The following EIF4H variants were observed in gnomAD, a reference collection of about 807,000 sequenced individuals.
EIF4H encodes the protein eukaryotic translation initiation factor 4H.
EIF4H carries 8 observed loss-of-function variants against 30.6 expected under a neutral mutation model. That is an observed-to-expected ratio of 0.26 (90% CI 0.15 to 0.47). The LOEUF (loss-of-function observed/expected upper bound fraction) is 0.47, where lower values mean the gene tolerates loss of function less well. Ranked by LOEUF, EIF4H falls within the 20% of genes least tolerant of loss-of-function variation. EIF4H has a pLI of 0.99. For missense variants in EIF4H, 188 were observed against 339.5 expected (o/e 0.55, Z 3.51); for synonymous variants, 106 against 122.7 (o/e 0.86, Z 0.90).
chr7:74,184,467 A>T (rs1801038608), intron 1 of EIF4H, among the ~76,000 whole-genome samples: 1 of 152,196 alleles, frequency 6.6e-6, no homozygotes, highest in Admixed American at 6.6e-5. Context: ...ACACACAAAC[A>T]TACCTGCATA....
intron 5 of EIF4H, among the ~76,000 whole-genome samples, chr7:74,190,833 C>T (rs1554709812): frequency 6.6e-6 from 1 of 151,804 alleles, no homozygotes; most frequent in Non-Finnish European, 1.5e-5. Context: ...CATCAGTCCA[C>T]ACGCCAGGCC....
At position 74,174,400 on chromosome 7, in the gene EIF4H, C is replaced by A; in HGVS notation, c.17C>A (p.Thr6Asn). MADFDTYDDRAYSSFG... is the reference protein window; with the variant it reads MADFDNYDDRAYSSFG... ...AGACGGCAAATGGCGGACTTCGACA[C>A]CTACGACGATCGGGCCTACAGCAGC... Residue 6 changes from threonine to asparagine, a missense_variant, in exon 1 of 7, where the codon ACC becomes AAC. Physicochemically the swap from Thr to Asn is moderately conservative, Grantham distance 65. This residue lies in a region of EIF4H where 43 missense variants were observed against 43.4 expected (regional missense o/e 0.99). Coordinates refer to ENST00000265753, the MANE Select transcript of EIF4H (RefSeq NM_022170.2). The A allele has an allele frequency of 6.8e-7, 1 of 1,463,006 alleles. No individual in the cohort carries two copies. 90.6% of individuals were successfully genotyped at this position (1,463,006 alleles called of 1,614,324 possible). A position where few individuals can be genotyped will look rare whatever the true frequency, so the allele number is the denominator to read the frequency against.
At chr7:74,179,687 T>C (rs1433044112) in intron 1 of EIF4H, among the ~76,000 whole-genome samples, 1 of 150,770 alleles carries the variant, frequency 6.6e-6, no homozygotes, top group Non-Finnish European at 1.5e-5. Context: ...CCTTTACCAG[T>C]GCATACATTT....
At chr7:74,182,378 A>G (rs185883872) in intron 1 of EIF4H, among the ~76,000 whole-genome samples, 2 of 152,294 alleles carry the variant, frequency 1.3e-5, no homozygotes, top group Admixed American at 1.3e-4. Flanking sequence ...GTTTGTAGAT[A>G]TGGGGTTTTG....
At chr7:74,188,461 C>T (rs1801137228) in intron 2 of EIF4H, among the ~76,000 whole-genome samples, 1 of 152,152 alleles carries the variant, frequency 6.6e-6, no homozygotes, top group South Asian at 2.1e-4. Context: ...CACCCAAAAG[C>T]ACATCTGTGA....
intron 4 of EIF4H, 108 bp downstream of exon 4, chr7:74,190,026 G>GT: frequency 3.8e-6 from 5 of 1,300,306 alleles, no homozygotes; most frequent in Non-Finnish European, 5.3e-6. Flanking sequence ...GGTGTGATAG[G>GT]TTCTCGTGAG....
intron 1 of EIF4H, among the ~76,000 whole-genome samples, chr7:74,185,587 A>G (rs150875): frequency 0.88 from 133,560 of 151,876 alleles, 59,670 homozygotes; most frequent in Non-Finnish European, 0.96. Context: ...TTTAACCATC[A>G]AAGAATCATC....
intron 5 of EIF4H, among the ~76,000 whole-genome samples, chr7:74,194,037 G>A (rs1447430079): frequency 1.3e-5 from 2 of 152,192 alleles, no homozygotes; most frequent in Non-Finnish European, 1.5e-5. Flanking sequence ...ATTTCTAAAT[G>A]AGATGCAGTT....
chr7:74,174,868 C>T (rs1554707446), intron 1 of EIF4H, among the ~76,000 whole-genome samples: 1 of 152,232 alleles, frequency 6.6e-6, no homozygotes, highest in African/African-American at 2.4e-5. Context: ...GTTGCCTGCC[C>T]GCCTTGCAGG....
chr7:74,189,904 G>C lies in EIF4H; in HGVS notation c.395G>C (p.Gly132Ala). ...DKGGFGFRKGGPDDRGMGSSR... is the reference protein window; with the variant it reads ...DKGGFGFRKGAPDDRGMGSSR... ...GGTGGCTTTGGATTCAGAAAAGGTG[G>C]ACCAGATGACAGAGGTGATTGGTTC... is the stretch of plus-strand genomic sequence containing the variant. The change falls in exon 4 of 7, where the codon GGA becomes GCA. Residue 132 changes from glycine to alanine, a missense_variant. Gly to Ala is a moderately conservative substitution (Grantham distance 60). Transcript: ENST00000265753. The C allele has an allele frequency of 6.2e-7, 1 of 1,614,142 alleles. No homozygotes were observed. Among genetic ancestry groups the C allele is most frequent in the Non-Finnish European group, 8.5e-7 (1 of 1,180,028 alleles).
chr7:74,186,921 C>T (rs879955491), intron 1 of EIF4H, among the ~76,000 whole-genome samples: 4 of 142,180 alleles, frequency 2.8e-5, no homozygotes, highest in Non-Finnish European at 6.0e-5. Flanking sequence ...CAGGTTCAAG[C>T]GGTAGGAGAA....
At position 74,194,667 on chromosome 7, in the gene EIF4H, C is replaced by T. The variant is rs769878076; in HGVS notation, c.470-74C>T. 5.8e-4 allele frequency: 846 copies of T among 1,458,098 alleles called. 3 individuals carry two copies. The highest frequency in any genetic ancestry group is 9.2e-4 in the Admixed American group (37 of 40,100). The allele number at this position is 1,458,098 out of a possible 1,614,324, so 90.3% of individuals were successfully genotyped here. On this transcript the variant is annotated intron_variant, in intron 5 of 6. Coordinates refer to ENST00000265753, the MANE Select transcript of EIF4H (RefSeq NM_022170.2). ...AATTTAAAATGAAACTCAAACAATT[C>T]CCAGAACATTATTCTATAAGCAGCT... is the stretch of plus-strand genomic sequence containing the variant.
chr7:74,179,619 G>A (rs1554708136), intron 1 of EIF4H, among the ~76,000 whole-genome samples: 2 of 129,198 alleles, frequency 1.5e-5, no homozygotes, highest in South Asian at 2.6e-4. Context: ...GCGACAGGGT[G>A]AGACTCTGTA....
chr7:74,190,104 T>C, intron 4 of EIF4H, 143 bp from the exon 5 acceptor site: 3 of 1,156,426 alleles, frequency 2.6e-6, no homozygotes, highest in Non-Finnish European at 3.6e-6. Flanking sequence ...CGTTTTTTGT[T>C]TTCTGTTGGA....
intron 1 of EIF4H, among the ~76,000 whole-genome samples, chr7:74,181,685 C>G (rs1800966197): frequency 6.6e-6 from 1 of 152,130 alleles, no homozygotes; most frequent in South Asian, 2.1e-4. Flanking sequence ...CTCAGGTAAT[C>G]TGCCTGCCTC....
chr7:74,184,682 GCT>G (rs1483702838), intron 1 of EIF4H, among the ~76,000 whole-genome samples: 3 of 151,710 alleles, frequency 2.0e-5, no homozygotes, highest in African/African-American at 4.8e-5. Flanking sequence ...TGTTTTTTGT[GCT>G]TTTTTGTTTG....
intron 1 of EIF4H, among the ~76,000 whole-genome samples, chr7:74,177,082 A>G (rs1200253542): frequency 6.6e-6 from 1 of 152,176 alleles, no homozygotes; most frequent in Non-Finnish European, 1.5e-5. Context: ...AAAACTCCAA[A>G]TTTATTCTTT....
intron 1 of EIF4H, among the ~76,000 whole-genome samples, chr7:74,184,609 C>T (rs1225713719): frequency 1.4e-5 from 2 of 145,502 alleles, no homozygotes; most frequent in Non-Finnish European, 3.0e-5. Flanking sequence ...ATTGACCCTC[C>T]ATTTTTATGG....
chr7:74,190,781 C>G (rs1801188518), intron 5 of EIF4H, among the ~76,000 whole-genome samples: 1 of 152,098 alleles, frequency 6.6e-6, no homozygotes, highest in Non-Finnish European at 1.5e-5. Context: ...CGTTCTCTTT[C>G]TTAGCCAACC....
Sources: gnomAD v4.1 joint callset for allele counts (sites outside exome capture counted in the v4.1 genomes callset) on GRCh38, gnomAD v4.1.1 for gene constraint, gnomAD v4.1.1 regional missense constraint, MANE v1.5 for transcripts, NCBI Gene and HGNC (gene_info 2026-07-23, HGNC 2026-07-21) for gene names.